The following CPT1A variants were observed in gnomAD, a reference collection of about 807,000 sequenced individuals.
CPT1A encodes the protein carnitine O-palmitoyltransferase 1, liver isoform.
Under a neutral mutation model 100.8 loss-of-function variants are expected in CPT1A, and 64 were observed. That is an observed-to-expected ratio of 0.63 (90% CI 0.52 to 0.78). The LOEUF is 0.78. Among genes scored for constraint, CPT1A ranks in the 30% least tolerant of loss-of-function variants. CPT1A has a pLI of 0.00. For missense variants in CPT1A, 802 were observed against 1,034.1 expected (o/e 0.78, Z 3.08); for synonymous variants, 363 against 396.0 (o/e 0.92, Z 0.99).
chr11:68,832,326 C>T (rs1217167675), intron 1 of CPT1A, among the ~76,000 whole-genome samples: 1 of 152,098 alleles, frequency 6.6e-6, no homozygotes, highest in Non-Finnish European at 1.5e-5. Context: ...GGCATGCACC[C>T]GTAGTCCCAG....
intron 1 of CPT1A, among the ~76,000 whole-genome samples, chr11:68,836,514 T>C (rs1326701999): frequency 6.6e-6 from 1 of 152,030 alleles, no homozygotes; most frequent in East Asian, 1.9e-4. Flanking sequence ...GGCTCATGCC[T>C]GTAATCCCCG....
chr11:68,762,686 G>A lies in CPT1A; in HGVS notation c.1816C>T (p.Arg606Cys), dbSNP rs1440454868. 1.2e-6 allele frequency: 2 copies of A among 1,613,924 alleles called. No individual in the cohort carries two copies. Among genetic ancestry groups the A allele is most frequent in the Non-Finnish European group, 1.7e-6 (2 of 1,180,040 alleles). ...LFREGRTETV[R>C]SCTTESCDFV... ...TCGCATGACTCAGTGGTGCAGGAGC[G>A]CACGGTCTCCGTCCTCCCCTCTCGG... Residue 606 changes from arginine to cysteine, a missense_variant, in exon 15 of 19, where the codon CGC becomes TGC. Physicochemically the swap from Arg to Cys is radical, Grantham distance 180. Coordinates refer to ENST00000265641, the MANE Select transcript of CPT1A (RefSeq NM_001876.4).
At chr11:68,815,687 C>A (rs943876267) in intron 1 of CPT1A, among the ~76,000 whole-genome samples, 200 bp from the exon 2 acceptor site, 4 of 152,202 alleles carry the variant, frequency 2.6e-5, no homozygotes, top group Non-Finnish European at 5.9e-5. Context: ...CAGTCGCCAC[C>A]TCTGCTTAGA....
intron 18 of CPT1A, among the ~76,000 whole-genome samples, chr11:68,758,182 C>A (rs1280996508): frequency 6.6e-6 from 1 of 152,132 alleles, no homozygotes; most frequent in Non-Finnish European, 1.5e-5. Context: ...GTAGGAGGAT[C>A]CCCTGAGCCC....
chr11:68,838,582 A>AAAAAAAAAAAAAAAAAAACAAAAAAAAAC (rs1555235335), intron 1 of CPT1A, among the ~76,000 whole-genome samples: 1 of 145,290 alleles, frequency 6.9e-6, no homozygotes, highest in African/African-American at 2.6e-5. Context: ...TAAAAAAAAA[A>AAAAAAAAAAAAAAAAAAACAAAAAAAAAC]AAAAAAAAAC....
Position 68,759,872 on chromosome 11 carries a change from T to TACAC in CPT1A, c.2143-215_2143-212dup, listed in dbSNP as rs34518934. On this transcript the variant is annotated intron_variant, in intron 17 of 18. Transcript: ENST00000265641. ...GTGAAACCCTGTCTCTACAAAAAAA[T>TACAC]ACACACACACACACAAATTAGCTGG... is the stretch of plus-strand genomic sequence containing the variant. 5.9e-4 allele frequency among the ~76,000 whole-genome samples: 89 copies of TACAC among 150,292 alleles called. 2 individuals carry two copies. The South Asian group carries it at 0.015, about 26-fold the overall frequency.
At position 68,756,899 on chromosome 11, in the gene CPT1A, C is replaced by G. The variant is rs1410566912; in HGVS notation, c.*745G>C. The G allele has an allele frequency of 6.6e-6, 1 of 152,294 alleles. No homozygotes were observed. Among genetic ancestry groups the G allele is most frequent in the Non-Finnish European group, 1.5e-5 (1 of 68,154 alleles). The allele number at this position is 152,294 out of a possible 1,614,324, so 9.4% of individuals were successfully genotyped here. On this transcript the variant is annotated 3_prime_UTR_variant, in exon 19 of 19. Transcript: ENST00000265641. ...TTATGTACGGTTATCCATACTCAGT[C>G]AATTGTGAAGGGAACAGTATACCCA...
rs1946680785 is a variant in CPT1A at position 68,755,731 on chromosome 11, TTTG to T, written c.*1910_*1912del. 1 of 144,560 alleles carries T rather than the reference TTTG, an allele frequency of 6.9e-6. No homozygotes were observed. The highest frequency in any genetic ancestry group is 2.5e-5 in the African/African-American group (1 of 39,746). 9.0% of individuals were successfully genotyped at this position (144,560 alleles called of 1,614,324 possible). ...GACGCTTTTTTTTTTTTTTTTGTCT[TTTG>T]TTTTCATTTTTTCTTGCTTTCAGGA... On this transcript the variant is annotated 3_prime_UTR_variant, in exon 19 of 19. Transcript: ENST00000265641.
intron 12 of CPT1A, among the ~76,000 whole-genome samples, chr11:68,779,908 G>A (rs1409695500): frequency 6.6e-6 from 1 of 151,976 alleles, no homozygotes; most frequent in Non-Finnish European, 1.5e-5. Context: ...TGATGTCTTA[G>A]GTAAAAGACA....
At chr11:68,822,662 T>C (rs895796431) in intron 1 of CPT1A, among the ~76,000 whole-genome samples, 1 of 152,128 alleles carries the variant, frequency 6.6e-6, no homozygotes, top group Non-Finnish European at 1.5e-5. Flanking sequence ...CACAACATCA[T>C]TCATGATAGC....
intron 12 of CPT1A, among the ~76,000 whole-genome samples, chr11:68,777,244 AT>A (rs1456907967): frequency 6.6e-6 from 1 of 152,040 alleles, no homozygotes; most frequent in Non-Finnish European, 1.5e-5. Context: ...AGCCTGGGCA[AT>A]GTGGCAAAAC....
intron 14 of CPT1A, among the ~76,000 whole-genome samples, chr11:68,763,039 A>G (rs1214956309): frequency 1.3e-5 from 2 of 152,108 alleles, no homozygotes; most frequent in African/African-American, 4.8e-5. Context: ...TTGTAGAGAC[A>G]GGGTTTCACC....
intron 10 of CPT1A, among the ~76,000 whole-genome samples, chr11:68,782,841 G>A (rs1168295745): frequency 1.3e-5 from 2 of 152,160 alleles, no homozygotes; most frequent in Non-Finnish European, 2.9e-5. Context: ...TGACGCTGAC[G>A]GTGGCCGGCA....
intron 9 of CPT1A, among the ~76,000 whole-genome samples, chr11:68,788,476 G>A (rs570845824): frequency 6.6e-6 from 1 of 152,102 alleles, no homozygotes; most frequent in African/African-American, 2.4e-5. Flanking sequence ...GTGCATGCCT[G>A]TAATCCCAGC....
At chr11:68,826,672 A>G (rs1856740578) in intron 1 of CPT1A, among the ~76,000 whole-genome samples, 1 of 150,742 alleles carries the variant, frequency 6.6e-6, no homozygotes, top group Admixed American at 6.7e-5. Flanking sequence ...CGGGAGCCGG[A>G]GCTTGCAGTG....
chr11:68,820,258 C>T (rs1222070309), intron 1 of CPT1A, among the ~76,000 whole-genome samples: 1 of 152,000 alleles, frequency 6.6e-6, no homozygotes, highest in African/African-American at 2.4e-5. Flanking sequence ...TCTCGAACTC[C>T]TGGACTCAAG....
rs75574006 is a variant in CPT1A, at chr11:68,801,958, C to T, written c.555+2042G>A. The stretch of plus-strand genomic sequence containing the variant: ...TTCCATACAATGGAACACTATTCAG[C>T]CACAAAAAGGGATGAAGTTCATCCA... On this transcript the variant is annotated intron_variant, in intron 5 of 18. Transcript: ENST00000265641. Among the ~76,000 whole-genome samples the T allele has an allele frequency of 4.4e-3, 674 of 152,174 alleles. 4 individuals are homozygous for T. Among genetic ancestry groups the T allele is most frequent in the African/African-American group, 0.016 (654 of 41,516 alleles).
intron 8 of CPT1A, 90 bp downstream of exon 8, chr11:68,794,714 A>G (rs1855709855): frequency 5.9e-6 from 7 of 1,177,626 alleles, no homozygotes; most frequent in Non-Finnish European, 7.5e-6. Flanking sequence ...CCCGGCCACA[A>G]ACTGTATATT....
At position 68,755,539 on chromosome 11, in the gene CPT1A, A is replaced by G. The variant is rs1231796484; in HGVS notation, c.*2105T>C. 2 of 151,858 alleles carry G rather than the reference A, an allele frequency of 1.3e-5. No homozygotes were observed. The highest frequency in any genetic ancestry group is 4.8e-5 in the African/African-American group (2 of 41,276). 9.4% of individuals were successfully genotyped at this position (151,858 alleles called of 1,614,324 possible). ...ATTCTCCTGCCTCAGCCTCCTGAGTAGCTGGGACTACAGGCGCCCGCCACC... is the reference window on the plus strand; with the variant it reads ...ATTCTCCTGCCTCAGCCTCCTGAGTGGCTGGGACTACAGGCGCCCGCCACC... On this transcript the variant is annotated 3_prime_UTR_variant, in exon 19 of 19. Coordinates refer to ENST00000265641, the MANE Select transcript of CPT1A (RefSeq NM_001876.4).
Sources: gnomAD v4.1 joint callset for allele counts (sites outside exome capture counted in the v4.1 genomes callset) on GRCh38, gnomAD v4.1.1 for gene constraint, MANE v1.5 for transcripts, NCBI Gene and HGNC (gene_info 2026-07-23, HGNC 2026-07-21) for gene names.